CCBE1: variants seen among roughly 807,000 people sequenced by gnomAD.
CCBE1 encodes collagen and calcium binding EGF domains 1, also known as collagen and calcium-binding EGF domain-containing protein 1.
Under a neutral mutation model 50.0 loss-of-function variants are expected in CCBE1, and 37 were observed. The observed-to-expected ratio is 0.74, with a 90% CI of 0.57 to 0.97. CCBE1 has a LOEUF of 0.97. Among genes scored for constraint, CCBE1 ranks in the 50% least tolerant of loss-of-function variants. The probability of loss-of-function intolerance (pLI) is 0.00; values close to 1 mark genes in which losing one functional copy is unlikely to be tolerated. For synonymous variants in CCBE1, 234 were observed against 203.7 expected, an observed-to-expected ratio of 1.15 and a Z score of -1.27; for missense variants, 538 against 523.8, an observed-to-expected ratio of 1.03 and a Z score of -0.26.
intron 2 of CCBE1, among the ~76,000 whole-genome samples, chr18:59,632,828 C>T (rs1330472375): frequency 6.6e-5 from 10 of 151,788 alleles, no homozygotes; most frequent in African/African-American, 1.7e-4. Context: ...AGGCTGGTCT[C>T]GAACTCCTGA....
chr18:59,650,061 C>T (rs557356877), intron 2 of CCBE1, among the ~76,000 whole-genome samples: 14 of 152,230 alleles, frequency 9.2e-5, no homozygotes, highest in African/African-American at 2.9e-4. Context: ...CTCCAAAGTC[C>T]GCTCTCCTTC....
chr18:59,594,983 G>A (rs2053330218), intron 2 of CCBE1, among the ~76,000 whole-genome samples: 1 of 152,090 alleles, frequency 6.6e-6, no homozygotes, highest in East Asian at 1.9e-4. Flanking sequence ...ATGGTGGCAT[G>A]TACTTGTAGT....
At chr18:59,664,236 C>T (rs1031865830) in intron 2 of CCBE1, among the ~76,000 whole-genome samples, 4 of 152,054 alleles carry the variant, frequency 2.6e-5, no homozygotes, top group Non-Finnish European at 5.9e-5. Flanking sequence ...GACCTAATCA[C>T]CTCCCACAGA....
At position 59,583,123 on chromosome 18, in the gene CCBE1, A is replaced by G. The variant is rs8089783; in HGVS notation, c.213-102885T>C. ...CATGAGCTAATGTGCTTGGCTGGTA[A>G]CCATTTTTTAAGGCTAATTTCTAAC... On this transcript the variant is annotated intron_variant, in intron 2 of 10. Transcript: ENST00000439986. Among the ~76,000 whole-genome samples, 1,473 of 152,292 alleles carry G rather than the reference A, an allele frequency of 9.7e-3. 19 individuals are homozygous for G. Among genetic ancestry groups the G allele is most frequent in the African/African-American group, 0.033 (1,377 of 41,556 alleles).
intron 2 of CCBE1, among the ~76,000 whole-genome samples, chr18:59,653,501 G>A (rs894751289): frequency 1.3e-5 from 2 of 152,140 alleles, no homozygotes; most frequent in African/African-American, 2.4e-5. Flanking sequence ...GTGCCAAACA[G>A]GACTGTGTGC....
chr18:59,441,013 T>C (rs1170094881), intron 7 of CCBE1, among the ~76,000 whole-genome samples: 1 of 152,202 alleles, frequency 6.6e-6, no homozygotes, highest in Non-Finnish European at 1.5e-5. Context: ...GAGGAATTAT[T>C]TGAAGACTGT....
chr18:59,641,326 C>T (rs2053986894), intron 2 of CCBE1, among the ~76,000 whole-genome samples: 1 of 152,048 alleles, frequency 6.6e-6, no homozygotes, highest in Non-Finnish European at 1.5e-5. Flanking sequence ...GAGCTAAAAG[C>T]AAACTAACAC....
chr18:59,521,921 T>G (rs1048580158), intron 2 of CCBE1, among the ~76,000 whole-genome samples: 1 of 152,220 alleles, frequency 6.6e-6, no homozygotes, highest in East Asian at 1.9e-4. Flanking sequence ...ACACATTCCT[T>G]AATCCTAATT....
At position 59,454,856 on chromosome 18, in the gene CCBE1, G is replaced by A; in HGVS notation, c.649C>T (p.Gln217Ter). 6.2e-7 allele frequency: 1 copy of A among 1,614,062 alleles called. No individual in the cohort carries two copies. The highest frequency in any genetic ancestry group is 8.5e-7 in the Non-Finnish European group (1 of 1,179,904). Reference protein sequence around the residue: ...QMKQTVLQLKQKIALLPNNAA... With the variant: ...QMKQTVLQLK ...CCCACCCCAGCGGCACGTACCTTTT[G>A]CTTCAGCTGCAGCACGGTCTGCTTC... is the stretch of plus-strand genomic sequence containing the variant. Residue 217 changes from glutamine (Q) to a stop codon, truncating the protein, a stop_gained, in exon 6 of 11, where the codon CAA becomes TAA. Transcript: ENST00000439986. LOFTEE classifies it high-confidence loss of function.
intron 2 of CCBE1, among the ~76,000 whole-genome samples, chr18:59,504,717 T>C (rs1409365999): frequency 6.6e-6 from 1 of 152,242 alleles, no homozygotes; most frequent in Non-Finnish European, 1.5e-5. Flanking sequence ...GAGTCTGCGA[T>C]GTCCTCCTGC....
intron 2 of CCBE1, among the ~76,000 whole-genome samples, chr18:59,556,406 G>A (rs2052657983): frequency 6.6e-6 from 1 of 152,172 alleles, no homozygotes; most frequent in Non-Finnish European, 1.5e-5. Context: ...GTGACCTGCA[G>A]TAACATATGC....
chr18:59,531,515 A>G (rs1915049065), intron 2 of CCBE1, among the ~76,000 whole-genome samples: 1 of 152,208 alleles, frequency 6.6e-6, no homozygotes, highest in Admixed American at 6.5e-5. Context: ...TGGGAGGCTG[A>G]GGCAGGAGGA....
At chr18:59,531,934 C>T (rs1915068583) in intron 2 of CCBE1, among the ~76,000 whole-genome samples, 1 of 152,200 alleles carries the variant, frequency 6.6e-6, no homozygotes, top group South Asian at 2.1e-4. Flanking sequence ...CATCGCTTTT[C>T]ACCTTGGTCC....
chr18:59,571,350 C>T (rs2052911279), intron 2 of CCBE1, among the ~76,000 whole-genome samples: 1 of 151,880 alleles, frequency 6.6e-6, no homozygotes, highest in South Asian at 2.1e-4. Context: ...AGCTGGAAAC[C>T]ATCATTCTCA....
At chr18:59,525,469 T>G (rs1008022076) in intron 2 of CCBE1, among the ~76,000 whole-genome samples, 5 of 152,230 alleles carry the variant, frequency 3.3e-5, no homozygotes, top group African/African-American at 1.2e-4. Flanking sequence ...ATGGATAGGT[T>G]GCAAAAGTTC....
chr18:59,495,210 A>G (rs1913292568), intron 2 of CCBE1, among the ~76,000 whole-genome samples: 1 of 151,754 alleles, frequency 6.6e-6, no homozygotes, highest in African/African-American at 2.4e-5. Context: ...TTTGACCTAT[A>G]CTTTTTCTCT....
intron 2 of CCBE1, among the ~76,000 whole-genome samples, chr18:59,546,982 A>C (rs1002633906): frequency 6.8e-6 from 1 of 146,122 alleles, no homozygotes; most frequent in African/African-American, 2.5e-5. Context: ...TGAGAATTAC[A>C]TGGGGTTTAA....
intron 2 of CCBE1, among the ~76,000 whole-genome samples, chr18:59,679,994 C>A (rs1221876528): frequency 1.3e-5 from 2 of 152,048 alleles, no homozygotes; most frequent in African/African-American, 4.8e-5. Context: ...GAGGCCGAGG[C>A]AGGTAAATCA....
At chr18:59,558,071 G>C (rs533629858) in intron 2 of CCBE1, among the ~76,000 whole-genome samples, 1 of 152,196 alleles carries the variant, frequency 6.6e-6, no homozygotes, top group Non-Finnish European at 1.5e-5. Flanking sequence ...GGTGACTCAC[G>C]TGTATCTTAT....
Sources: gnomAD v4.1 joint callset for allele counts (sites outside exome capture counted in the v4.1 genomes callset) on GRCh38, gnomAD v4.1.1 for gene constraint, MANE v1.5 for transcripts, NCBI Gene and HGNC (gene_info 2026-07-23, HGNC 2026-07-21) for gene names.